Variants in SGIP1 observed in about 807,000 individuals in gnomAD.
SGIP1 encodes SH3-containing GRB2-like protein 3-interacting protein 1.
A neutral mutation model predicts 107.5 loss-of-function variants in SGIP1; 38 were observed. That is an observed-to-expected ratio of 0.35 (90% CI 0.27 to 0.46). SGIP1 has a LOEUF of 0.46. SGIP1 is among the 20% of genes least tolerant of loss of function. SGIP1 has a pLI of 1.00. For missense variants in SGIP1, 929 were observed against 1,019.5 expected, an observed-to-expected ratio of 0.91 and a Z score of 1.21; for synonymous variants, 365 against 366.1, an observed-to-expected ratio of 1.00 and a Z score of 0.03.
chr1:66,682,035 G>GT lies in SGIP1; in HGVS notation c.981_982insT (p.Thr328TyrfsTer18), dbSNP rs768389998. On this transcript the variant is annotated frameshift_variant, in exon 15 of 25. Coordinates refer to ENST00000371037, the MANE Select transcript of SGIP1 (RefSeq NM_032291.4). LOFTEE classifies it high-confidence loss of function. The stretch of plus-strand genomic sequence containing the variant: ...CCCCGGAACATGTTACTCCGGAGTT[G>GT]ACTCCAAGGGAAAAAGTGGTGTCCC... 1 of 1,614,166 alleles carries GT rather than the reference G, an allele frequency of 6.2e-7. No homozygotes were observed. Among genetic ancestry groups the GT allele is most frequent in the Non-Finnish European group, 8.5e-7 (1 of 1,180,026 alleles).
chr1:66,703,769 T>C (rs137868364), intron 18 of SGIP1, among the ~76,000 whole-genome samples: 1 of 151,506 alleles, frequency 6.6e-6, no homozygotes, highest in East Asian at 1.9e-4. Flanking sequence ...TTTTCATATA[T>C]GATATATAAT....
At chr1:66,553,946 TTC>T (rs1418181286) in intron 1 of SGIP1, among the ~76,000 whole-genome samples, 1 of 152,154 alleles carries the variant, frequency 6.6e-6, no homozygotes, top group Admixed American at 6.5e-5. Context: ...AGTGGTCACT[TTC>T]TGAGTGTCCA....
chr1:66,575,284 T>C (rs566135528), intron 1 of SGIP1, among the ~76,000 whole-genome samples: 2 of 152,308 alleles, frequency 1.3e-5, no homozygotes, highest in South Asian at 4.1e-4. Context: ...CTGCCAGTGA[T>C]AGAACAAATT....
At chr1:66,682,447 T>C (rs1002539567) in intron 15 of SGIP1, 78 bp downstream of exon 15, 1 of 1,519,760 alleles carries the variant, frequency 6.6e-7, no homozygotes, top group Admixed American at 2.2e-5. Flanking sequence ...ACCGTCCTCC[T>C]GCCTGGCAGC....
chr1:66,594,192 GA>G (rs1413017553), intron 1 of SGIP1, among the ~76,000 whole-genome samples: 2 of 148,486 alleles, frequency 1.3e-5, no homozygotes, highest in African/African-American at 4.9e-5. Context: ...TATGTGAAAG[GA>G]AAAAAATATA....
At chr1:66,537,880 A>T (rs1222636819) in intron 1 of SGIP1, among the ~76,000 whole-genome samples, 1 of 152,084 alleles carries the variant, frequency 6.6e-6, no homozygotes, top group Admixed American at 6.6e-5. Context: ...CCATTTAACC[A>T]CAAAGCTCAT....
chr1:66,589,672 C>T (rs2063316510), intron 1 of SGIP1, among the ~76,000 whole-genome samples: 1 of 152,104 alleles, frequency 6.6e-6, no homozygotes, highest in East Asian at 1.9e-4. Flanking sequence ...CCTGAATTCT[C>T]AACAAATGAG....
intron 1 of SGIP1, among the ~76,000 whole-genome samples, chr1:66,579,262 C>T (rs12043724): frequency 2.0e-5 from 3 of 152,308 alleles, no homozygotes; most frequent in Admixed American, 1.3e-4. Flanking sequence ...GCTACATGTA[C>T]TCAGCCTCAC....
At chr1:66,672,368 T>C (rs955673468) in intron 11 of SGIP1, among the ~76,000 whole-genome samples, 8 of 152,216 alleles carry the variant, frequency 5.3e-5, no homozygotes, top group African/African-American at 1.2e-4. Context: ...TCATGATACA[T>C]TCCACCTGCC....
chr1:66,590,840 C>T (rs1322662707), intron 1 of SGIP1, among the ~76,000 whole-genome samples: 1 of 149,338 alleles, frequency 6.7e-6, no homozygotes, highest in Admixed American at 6.6e-5. Flanking sequence ...CCCCCTCAAC[C>T]TTCCAAAGTG....
At chr1:66,604,068 T>C (rs1461777259) in intron 1 of SGIP1, among the ~76,000 whole-genome samples, 1 of 152,298 alleles carries the variant, frequency 6.6e-6, no homozygotes, top group East Asian at 1.9e-4. Context: ...CCCCGTTATA[T>C]GTGTTAGCTT....
chr1:66,601,906 GA>G lies in SGIP1; in HGVS notation c.11-23938del, dbSNP rs777712834. Among the ~76,000 whole-genome samples, 157 of 152,268 alleles carry G rather than the reference GA, an allele frequency of 1.0e-3. 1 individual carries two copies. Among genetic ancestry groups the G allele is most frequent in the Admixed American group, 5.0e-3 (76 of 15,296 alleles). Reference sequence around the variant, plus strand: ...TTAGTTCAACTTTCATTCTGATTCAGAAAGCTTTTCCTAATTACAGATTAGT... The same window carrying G: ...TTAGTTCAACTTTCATTCTGATTCAGAAGCTTTTCCTAATTACAGATTAGT... On this transcript the variant is annotated intron_variant, in intron 1 of 24. Coordinates refer to ENST00000371037, the MANE Select transcript of SGIP1 (RefSeq NM_032291.4).
chr1:66,633,009 TTAGTC>T (rs2075095884), intron 2 of SGIP1, 56 bp from the exon 3 acceptor site: 1 of 1,066,882 alleles, frequency 9.4e-7, no homozygotes, highest in African/African-American at 1.6e-5. Flanking sequence ...CTGTTGTACT[TTAGTC>T]TATGTGGCAA....
At chr1:66,553,788 T>C (rs752914222) in intron 1 of SGIP1, among the ~76,000 whole-genome samples, 1 of 152,160 alleles carries the variant, frequency 6.6e-6, no homozygotes, top group Non-Finnish European at 1.5e-5. Flanking sequence ...CACTTTGCTA[T>C]GCATCCTTCT....
At chr1:66,582,035 G>T (rs1356753447) in intron 1 of SGIP1, among the ~76,000 whole-genome samples, 1 of 152,044 alleles carries the variant, frequency 6.6e-6, no homozygotes, top group Non-Finnish European at 1.5e-5. Flanking sequence ...CTCACAAAAA[G>T]AAGGGACTGC....
chr1:66,735,107 CCCCCA>C (rs1051691468), intron 21 of SGIP1, among the ~76,000 whole-genome samples: 5 of 148,986 alleles, frequency 3.4e-5, no homozygotes, highest in South Asian at 2.1e-4. Flanking sequence ...TCTAAACAAA[CCCCCA>C]CCCCACCCCA....
chr1:66,596,534 G>A (rs888068861), intron 1 of SGIP1, among the ~76,000 whole-genome samples: 2 of 151,834 alleles, frequency 1.3e-5, no homozygotes, highest in African/African-American at 2.4e-5. Flanking sequence ...GGTGAAAGGT[G>A]GAAACAGATC....
intron 1 of SGIP1, among the ~76,000 whole-genome samples, chr1:66,536,818 A>T (rs1266055406): frequency 3.3e-5 from 5 of 152,212 alleles, no homozygotes; most frequent in Admixed American, 6.5e-5. Flanking sequence ...GAAAGGAAGA[A>T]AACATATATT....
intron 18 of SGIP1, among the ~76,000 whole-genome samples, chr1:66,707,839 A>T (rs1372738692): frequency 6.6e-6 from 1 of 152,058 alleles, no homozygotes; most frequent in East Asian, 1.9e-4. Context: ...CCTCTGTTAG[A>T]CCTTGTTTTT....
Sources: allele counts gnomAD v4.1 joint callset (sites outside exome capture counted in the v4.1 genomes callset), GRCh38; gene constraint gnomAD v4.1.1; transcripts MANE v1.5; gene names NCBI Gene and HGNC (gene_info 2026-07-23, HGNC 2026-07-21).